SCN8A: variants seen among roughly 807,000 people sequenced by gnomAD.
SCN8A encodes the protein sodium voltage-gated channel alpha subunit 8, also known as sodium channel protein type 8 subunit alpha.
A neutral mutation model predicts 184.1 loss-of-function variants in SCN8A; 30 were observed. The observed-to-expected ratio is 0.16, with a 90% CI of 0.12 to 0.22. SCN8A has a LOEUF of 0.22. Among genes scored for constraint, SCN8A ranks in the 10% least tolerant of loss-of-function variants. The probability of loss-of-function intolerance (pLI) is 1.00; values close to 1 mark genes in which losing one functional copy is unlikely to be tolerated. For missense variants in SCN8A, 1,057 were observed against 2,498.9 expected (o/e 0.42, Z 12.30); for synonymous variants, 852 against 907.0 (o/e 0.94, Z 1.09).
chr12:51,762,427 T>C (rs1942775621), intron 14 of SCN8A, 76 bp from the exon 15 acceptor site: 2 of 1,376,790 alleles, frequency 1.5e-6, no homozygotes, highest in African/African-American at 1.5e-5. Context: ...CTTGGACATG[T>C]TGTTTTCAAA....
At chr12:51,724,895 A>C (rs1942132812) in intron 12 of SCN8A, among the ~76,000 whole-genome samples, 2 of 152,158 alleles carry the variant, frequency 1.3e-5, no homozygotes, top group South Asian at 4.1e-4. Context: ...GTGTGGGAGA[A>C]AAAAATTGAG....
chr12:51,741,980 A>C (rs1156907835), intron 12 of SCN8A, among the ~76,000 whole-genome samples: 1 of 152,250 alleles, frequency 6.6e-6, no homozygotes, highest in South Asian at 2.1e-4. Flanking sequence ...CTGGGATTAC[A>C]GGCGTGAGCC....
intron 1 of SCN8A, among the ~76,000 whole-genome samples, chr12:51,608,165 C>T (rs557693164): frequency 2.3e-4 from 35 of 151,774 alleles, no homozygotes; most frequent in Non-Finnish European, 4.7e-4. Flanking sequence ...GGGCTACAGG[C>T]GCCCACCACC....
intron 20 of SCN8A, among the ~76,000 whole-genome samples, chr12:51,779,092 G>A (rs556251920): frequency 1.3e-5 from 2 of 152,096 alleles, no homozygotes; most frequent in South Asian, 2.1e-4. Flanking sequence ...GCACATGCCT[G>A]TAATCCAAGC....
rs149092801 is a variant in SCN8A at position 51,723,444 on chromosome 12, A to C, written c.1998+1536A>C. Among the ~76,000 whole-genome samples the C allele has an allele frequency of 8.7e-3, 1,320 of 152,356 alleles. 27 individuals carry two copies. The highest frequency in any genetic ancestry group is 0.03 in the African/African-American group (1,253 of 41,582). ...GAGTTTAAGGCTACAATGAGCTATG[A>C]TCACTACATTTCAGCCTGAGTGACA... On this transcript the variant is annotated intron_variant, in intron 12 of 26. Transcript: ENST00000627620.
intron 1 of SCN8A, among the ~76,000 whole-genome samples, chr12:51,645,151 T>C (rs1225366079): frequency 2.1e-5 from 3 of 145,722 alleles, no homozygotes; most frequent in African/African-American, 7.7e-5. Flanking sequence ...CCGCCCCTAC[T>C]GGGAAGTGAG....
intron 1 of SCN8A, among the ~76,000 whole-genome samples, chr12:51,632,109 G>A (rs1359167736): frequency 6.6e-6 from 1 of 152,158 alleles, no homozygotes; most frequent in African/African-American, 2.4e-5. Flanking sequence ...GCCAGGTTTT[G>A]TTGCCACCAC....
chr12:51,770,224 A>G, intron 18 of SCN8A: 1 of 586,396 alleles, frequency 1.7e-6, no homozygotes, highest in South Asian at 2.2e-5. Flanking sequence ...CAGCCCAAAA[A>G]TTTCCATTAG....
intron 1 of SCN8A, among the ~76,000 whole-genome samples, chr12:51,594,336 A>C (rs866814473): frequency 6.6e-6 from 1 of 152,222 alleles, no homozygotes; most frequent in Non-Finnish European, 1.5e-5. Context: ...GGTAAATGCC[A>C]TTCTTGTGCT....
At chr12:51,718,280 A>C (rs753455620) in intron 11 of SCN8A, among the ~76,000 whole-genome samples, 1 of 152,220 alleles carries the variant, frequency 6.6e-6, no homozygotes, top group East Asian at 1.9e-4. Context: ...CCAGGAGTTC[A>C]AGATCAGCCT....
chr12:51,767,116 A>G (rs2583118), intron 16 of SCN8A, among the ~76,000 whole-genome samples: 132,445 of 152,226 alleles, frequency 0.87, 57,832 homozygotes, highest in East Asian at 0.98. Context: ...AATTCTTCCT[A>G]TTCTCCATTC....
chr12:51,791,740 G>A (rs933017366), intron 25 of SCN8A, among the ~76,000 whole-genome samples: 14 of 152,114 alleles, frequency 9.2e-5, no homozygotes, highest in South Asian at 2.1e-4. Context: ...GTAGCTGGGC[G>A]TGGTTATGTG....
At chr12:51,770,008 T>C in intron 18 of SCN8A, 23 bp downstream of exon 18, 1 of 1,461,398 alleles carries the variant, frequency 6.8e-7, no homozygotes, top group Non-Finnish European at 9.4e-7. Flanking sequence ...GAGGAGCGGA[T>C]GGGCTGGGGA....
intron 13 of SCN8A, among the ~76,000 whole-genome samples, chr12:51,747,222 A>G (rs1942527166): frequency 6.6e-6 from 1 of 152,062 alleles, no homozygotes; most frequent in Non-Finnish European, 1.5e-5. Flanking sequence ...GAATGAGACT[A>G]TAACTAGACT....
At chr12:51,722,117 CCTA>C in intron 12 of SCN8A, 1 of 720,472 alleles carries the variant, frequency 1.4e-6, no homozygotes, top group South Asian at 1.9e-5. Flanking sequence ...CAGTTTTCCC[CCTA>C]TTACTCACCC....
chr12:51,604,778 C>T (rs1051652061), intron 1 of SCN8A, among the ~76,000 whole-genome samples: 1 of 152,064 alleles, frequency 6.6e-6, no homozygotes, highest in African/African-American at 2.4e-5. Context: ...AGGTGATCCG[C>T]TGCCTTGGCC....
chr12:51,606,696 A>G (rs899943190), intron 1 of SCN8A, among the ~76,000 whole-genome samples: 4 of 151,970 alleles, frequency 2.6e-5, no homozygotes, highest in Non-Finnish European at 5.9e-5. Flanking sequence ...CATTTTCACA[A>G]TATTGATTGT....
At chr12:51,713,267 C>G (rs1233918667) in intron 11 of SCN8A, 1 of 1,155,170 alleles carries the variant, frequency 8.7e-7, no homozygotes, top group African/African-American at 1.5e-5. Context: ...ACAGAATCCT[C>G]TCTAGAAACA....
chr12:51,748,179 A>G (rs1441379554), intron 13 of SCN8A, among the ~76,000 whole-genome samples: 1 of 152,218 alleles, frequency 6.6e-6, no homozygotes, highest in East Asian at 1.9e-4. Flanking sequence ...TGCTTGCTAC[A>G]GCATTAAAAG....
Sources: gnomAD v4.1 joint callset for allele counts (sites outside exome capture counted in the v4.1 genomes callset) on GRCh38, gnomAD v4.1.1 for gene constraint, MANE v1.5 for transcripts, NCBI Gene and HGNC (gene_info 2026-07-23, HGNC 2026-07-21) for gene names.